ATG2B: variants seen among roughly 807,000 people sequenced by gnomAD.
The protein encoded by ATG2B is autophagy-related protein 2 homolog B.
ATG2B carries 121 observed loss-of-function variants against 241.3 expected under a neutral mutation model. The observed-to-expected ratio is 0.50, with a 90% CI of 0.43 to 0.58. ATG2B has a LOEUF of 0.58. Among genes scored for constraint, ATG2B ranks in the 20% least tolerant of loss-of-function variants. ATG2B has a pLI of 0.00. For synonymous variants in ATG2B, 858 were observed against 876.6 expected (o/e 0.98, Z 0.37); for missense variants, 2,306 against 2,491.6 (o/e 0.93, Z 1.59).
intron 23 of ATG2B, among the ~76,000 whole-genome samples, chr14:96,313,866 A>G (rs985340846): frequency 6.6e-6 from 1 of 152,188 alleles, no homozygotes; most frequent in Admixed American, 6.5e-5. Flanking sequence ...TTTGGCTTGG[A>G]ACAATTCTCA....
At chr14:96,345,896 C>T (rs118157258) in intron 2 of ATG2B, among the ~76,000 whole-genome samples, 20 of 152,144 alleles carry the variant, frequency 1.3e-4, no homozygotes, top group Admixed American at 3.3e-4. Context: ...CAAAAACAGA[C>T]GACAGGACCA....
Position 96,363,116 on chromosome 14 carries a change from C to T in ATG2B, c.-140G>A. On this transcript the variant is annotated 5_prime_UTR_variant, in exon 1 of 42. The change abolishes the stop of an existing upstream ORF in the 5' untranslated region. Coordinates refer to ENST00000359933, the MANE Select transcript of ATG2B (RefSeq NM_018036.7). ...TCCCTATTTGGTGCCGGGAGTCCCTCAGGGAGACCCCATCGCCGGCGCCGC... is the reference window on the plus strand; with the variant it reads ...TCCCTATTTGGTGCCGGGAGTCCCTTAGGGAGACCCCATCGCCGGCGCCGC... 1.1e-6 allele frequency: 1 copy of T among 921,580 alleles called. No individual in the cohort carries two copies. Among genetic ancestry groups the T allele is most frequent in the Non-Finnish European group, 1.7e-6 (1 of 595,468 alleles). 57.1% of individuals were successfully genotyped at this position (921,580 alleles called of 1,614,324 possible).
At chr14:96,316,727 C>A (rs760135793) in intron 20 of ATG2B, 44 bp from the exon 21 acceptor site, 20 of 1,549,912 alleles carry the variant, frequency 1.3e-5, no homozygotes, top group Non-Finnish European at 1.8e-5. Context: ...TACTTAAATG[C>A]AGAAAAGTAA....
At chr14:96,355,997 C>T (rs1336857095) in intron 1 of ATG2B, among the ~76,000 whole-genome samples, 2 of 151,826 alleles carry the variant, frequency 1.3e-5, no homozygotes, top group South Asian at 2.1e-4. Context: ...GGTGAAACCC[C>T]GTCTCTACTA....
chr14:96,312,188 T>C, intron 25 of ATG2B, 29 bp from the exon 26 acceptor site: 4 of 1,545,580 alleles, frequency 2.6e-6, no homozygotes, highest in Non-Finnish European at 2.7e-6. Context: ...AACCAACATC[T>C]GAAAAACTAA....
chr14:96,322,009 G>T, intron 18 of ATG2B, 103 bp downstream of exon 18: 1 of 805,348 alleles, frequency 1.2e-6, no homozygotes, highest in Non-Finnish European at 1.9e-6. Flanking sequence ...CACAGAGATG[G>T]CATATAATAT....
rs1224318689 is a variant in ATG2B at position 96,289,867 on chromosome 14, G to A, written c.5857-62C>T. ...AGAAAGTCTGAAGAGTTACGGACCA[G>A]CAGAGCACTTCCTACAGGGAGTGAG... On this transcript the variant is annotated intron_variant, in intron 40 of 41. Coordinates refer to ENST00000359933, the MANE Select transcript of ATG2B (RefSeq NM_018036.7). This position sits in a 1 kb window ranked among gnomAD's most constrained non-coding sequence, Gnocchi z 4.3. 3 of 1,563,018 alleles carry A rather than the reference G, an allele frequency of 1.9e-6. No homozygotes were observed. Among genetic ancestry groups the A allele is most frequent in the South Asian group, 2.3e-5 (2 of 88,100 alleles).
intron 11 of ATG2B, 79 bp downstream of exon 11, chr14:96,331,297 T>C (rs147647647): frequency 4.4e-6 from 6 of 1,357,510 alleles, no homozygotes; most frequent in Non-Finnish European, 6.1e-6. Context: ...GATACAAAAG[T>C]CCACATGTGG....
chr14:96,319,086 C>T (rs1281541291), intron 18 of ATG2B, among the ~76,000 whole-genome samples: 1 of 152,204 alleles, frequency 6.6e-6, no homozygotes, highest in Admixed American at 6.5e-5. Flanking sequence ...CAAGGCGCCG[C>T]GTGGTGAGGC....
intron 33 of ATG2B, 40 bp from the exon 34 acceptor site, chr14:96,302,148 TATG>T: frequency 8.2e-7 from 1 of 1,226,400 alleles, no homozygotes; most frequent in Non-Finnish European, 1.2e-6. Context: ...TCCCCAATAA[TATG>T]ATGACCTTCT....
rs2139918792 is a variant in ATG2B at position 96,362,817 on chromosome 14, A to AT, written c.159dup (p.Trp54MetfsTer5). On this transcript the variant is annotated frameshift_variant, in exon 1 of 42. Transcript: ENST00000359933. LOFTEE classifies it high-confidence loss of function. ...GGCTCGCCGCCGGCAGCTCTTACCC[A>AT]TTTGTCCAAGGGGACCTGGGCGAGG... is the stretch of plus-strand genomic sequence containing the variant. 6.2e-7 allele frequency: 1 copy of AT among 1,601,452 alleles called. No homozygotes were observed. Among genetic ancestry groups the AT allele is most frequent in the Non-Finnish European group, 8.5e-7 (1 of 1,171,924 alleles).
chr14:96,344,618 A>T (rs1471847201), intron 4 of ATG2B, 36 bp downstream of exon 4: 1 of 1,220,392 alleles, frequency 8.2e-7, no homozygotes, highest in Non-Finnish European at 1.2e-6. Flanking sequence ...CAGAGTTACA[A>T]TAGGGTCATT....
chr14:96,346,477 G>A (rs534335460), intron 2 of ATG2B, among the ~76,000 whole-genome samples: 150 of 152,212 alleles, frequency 9.9e-4, no homozygotes, highest in Non-Finnish European at 1.4e-3. Flanking sequence ...CGATTTCCAT[G>A]CATGCATAAT....
chr14:96,326,967 T>C (rs576283029), intron 14 of ATG2B, among the ~76,000 whole-genome samples: 3 of 152,258 alleles, frequency 2.0e-5, no homozygotes, highest in African/African-American at 7.2e-5. Context: ...CATCATCCAA[T>C]TGCATATATA....
In ATG2B at chr14:96,289,929, C is replaced by A. The variant is rs1886439607; in HGVS notation, c.5857-124G>T. 1.0e-6 allele frequency: 1 copy of A among 972,194 alleles called. No individual in the cohort carries two copies. The highest frequency in any genetic ancestry group is 2.8e-5 in the Admixed American group (1 of 35,220). The allele number at this position is 972,194 out of a possible 1,614,324, so 60.2% of individuals were successfully genotyped here. A position where few individuals can be genotyped will look rare whatever the true frequency, so the allele number is the denominator to read the frequency against. On this transcript the variant is annotated intron_variant, in intron 40 of 41. Coordinates refer to ENST00000359933, the MANE Select transcript of ATG2B (RefSeq NM_018036.7). The surrounding 1 kb of genome is among the most constrained non-coding windows in gnomAD (Gnocchi z 4.3). ...GAACTCACAAACCCTAATGAAGACA[C>A]TTCTGCGTATCTGAATTCTTTACCA...
intron 1 of ATG2B, among the ~76,000 whole-genome samples, chr14:96,352,703 A>C (rs947042178): frequency 2.6e-5 from 4 of 152,204 alleles, no homozygotes; most frequent in Non-Finnish European, 5.9e-5. Context: ...ATGTGTGTTT[A>C]AGCTAAATGT....
intron 3 of ATG2B, 120 bp downstream of exon 3, chr14:96,345,113 G>C (rs976310755): frequency 1.3e-5 from 9 of 698,834 alleles, no homozygotes; most frequent in Non-Finnish European, 2.1e-5. Context: ...TCTGAAGTGG[G>C]AACAGTAATT....
chr14:96,283,808 CACA>C lies in ATG2B; in HGVS notation c.*1944_*1946del, dbSNP rs1204525984. The C allele has an allele frequency of 6.6e-6, 1 of 152,184 alleles. No homozygotes were observed. The highest frequency in any genetic ancestry group is 1.5e-5 in the Non-Finnish European group (1 of 68,024). The allele number at this position is 152,184 out of a possible 1,614,324, so 9.4% of individuals were successfully genotyped here. Reference sequence around the variant, plus strand: ...GAACTGACAACGAATCTTTTTGAGACACAACGTTTCTGTTCCCAAAATGATTAC... The same window carrying C: ...GAACTGACAACGAATCTTTTTGAGACACGTTTCTGTTCCCAAAATGATTAC... On this transcript the variant is annotated 3_prime_UTR_variant, in exon 42 of 42. Transcript: ENST00000359933.
At position 96,309,528 on chromosome 14, in the gene ATG2B, G is replaced by A. The variant is rs770023268; in HGVS notation, c.4228C>T (p.Arg1410Ter). 25 of 1,613,980 alleles carry A rather than the reference G, an allele frequency of 1.5e-5. No homozygotes were observed. The highest frequency in any genetic ancestry group is 2.1e-5 in the Non-Finnish European group (25 of 1,179,954). The change falls in exon 29 of 42, where the codon CGA becomes TGA. Residue 1410 changes from arginine to a stop codon, truncating the protein, a stop_gained. Transcript: ENST00000359933. LOFTEE classifies it high-confidence loss of function. ...VLPEADQQML[R>*]DLMSDAMEEI... ...TCCATAGCATCACTCATCAGATCTC[G>A]TAACATTTGTTGATCTGCTTCAGGA...
Sources: gnomAD v4.1 joint callset for allele counts (sites outside exome capture counted in the v4.1 genomes callset) on GRCh38, gnomAD v4.1.1 for gene constraint, Gnocchi (gnomAD v3.1) non-coding constraint, MANE v1.5 for transcripts, NCBI Gene and HGNC (gene_info 2026-07-23, HGNC 2026-07-21) for gene names.